The following MGAT4C variants were observed in gnomAD, a reference collection of about 807,000 sequenced individuals.
MGAT4C encodes MGAT4 family member C.
In MGAT4C, 19 loss-of-function variants were observed where a neutral mutation model predicts 40.1. That is an observed-to-expected ratio of 0.47 (90% CI 0.33 to 0.70). The LOEUF is 0.70. Among genes scored for constraint, MGAT4C ranks in the 30% least tolerant of loss-of-function variants. The pLI, the probability that MGAT4C is intolerant of heterozygous loss-of-function variation, is 0.02. For missense variants in MGAT4C, 491 were observed against 563.2 expected, an observed-to-expected ratio of 0.87 and a Z score of 1.30; for synonymous variants, 181 against 187.1, an observed-to-expected ratio of 0.97 and a Z score of 0.27.
At chr12:86,320,070 G>A (rs185525158) in intron 4 of MGAT4C, among the ~76,000 whole-genome samples, 14 of 152,000 alleles carry the variant, frequency 9.2e-5, no homozygotes, top group East Asian at 5.8e-4. Context: ...TCTGCCCTGG[G>A]AGCCTCTGAC....
intron 1 of MGAT4C, among the ~76,000 whole-genome samples, chr12:86,188,041 G>C (rs1888971746): frequency 6.6e-6 from 1 of 152,018 alleles, no homozygotes; most frequent in Non-Finnish European, 1.5e-5. Flanking sequence ...AACCTGATGG[G>C]CCTTTGCCTG....
At chr12:86,164,972 G>A (rs1341497139) in intron 1 of MGAT4C, among the ~76,000 whole-genome samples, 1 of 152,046 alleles carries the variant, frequency 6.6e-6, no homozygotes, top group East Asian at 1.9e-4. Flanking sequence ...ATGTAGGAAG[G>A]GAATATTGAA....
intron 3 of MGAT4C, among the ~76,000 whole-genome samples, chr12:86,405,106 G>A (rs1239478238): frequency 1.3e-5 from 2 of 152,064 alleles, no homozygotes; most frequent in African/African-American, 4.8e-5. Flanking sequence ...CAATAAAATT[G>A]AAGTATTTTA....
intron 2 of MGAT4C, among the ~76,000 whole-genome samples, chr12:86,020,549 C>T (rs1224040131): frequency 6.6e-6 from 1 of 152,156 alleles, no homozygotes; most frequent in African/African-American, 2.4e-5. Context: ...AAAGCTGAAA[C>T]TGGATCCCTT....
intron 2 of MGAT4C, among the ~76,000 whole-genome samples, chr12:86,009,388 C>A (rs924856037): frequency 2.0e-5 from 3 of 152,174 alleles, no homozygotes; most frequent in Non-Finnish European, 4.4e-5. Flanking sequence ...CTCTCTCTCT[C>A]CCTCCCTGCA....
intron 3 of MGAT4C, among the ~76,000 whole-genome samples, chr12:86,397,858 G>A (rs1177118242): frequency 1.3e-5 from 2 of 152,138 alleles, no homozygotes; most frequent in Admixed American, 1.3e-4. Context: ...AGCTATCTGG[G>A]AGGCTGAAGT....
chr12:86,107,433 C>T lies in MGAT4C; in HGVS notation c.-56-57710G>A, dbSNP rs149401925. 2.2e-3 allele frequency among the ~76,000 whole-genome samples: 342 copies of T among 152,000 alleles called. 2 individuals are homozygous for T. Among genetic ancestry groups the T allele is most frequent in the Admixed American group, 6.1e-3 (93 of 15,244 alleles). ...TAATCCTGACATATACTTAAAACTA[C>T]AGAATAAGGGTAAATCAGTTATATT... On this transcript the variant is annotated intron_variant, in intron 1 of 4. Transcript: ENST00000611864.
At chr12:86,774,293 T>TTC (rs201235030) in intron 1 of MGAT4C, among the ~76,000 whole-genome samples, 397 of 30,722 alleles carry the variant, frequency 0.013, 10 homozygotes, top group African/African-American at 0.031. Context: ...CTTTCTTTCT[T>TTC]TCTTTCTTTC....
chr12:86,123,087 G>T (rs1351830263), intron 1 of MGAT4C, among the ~76,000 whole-genome samples: 1 of 152,112 alleles, frequency 6.6e-6, no homozygotes, highest in African/African-American at 2.4e-5. Flanking sequence ...GCTAGGCTCT[G>T]CTGTATGTGC....
rs1479610036 is a variant in MGAT4C, at chr12:86,826,755, C to G, written c.-262+11911G>C. On this transcript the variant is annotated intron_variant, in intron 1 of 7. Transcript: ENST00000548651. ...TATGTTATAGCACTCTTCTACTCCT[C>G]CTAGGAATTAGCGATCTAGTTAAAC... is the stretch of plus-strand genomic sequence containing the variant. Among the ~76,000 whole-genome samples the G allele has an allele frequency of 4.0e-5, 6 of 151,138 alleles. No homozygotes were observed. In the Admixed American group the frequency reaches 4.0e-4, roughly 10 times the overall value.
chr12:86,685,062 G>A (rs911942929), intron 2 of MGAT4C, among the ~76,000 whole-genome samples: 3 of 151,898 alleles, frequency 2.0e-5, no homozygotes, highest in African/African-American at 4.8e-5. Context: ...TGTCAATTTC[G>A]GCTTTTGTTG....
chr12:86,219,332 A>C (rs1950792082), intron 1 of MGAT4C, among the ~76,000 whole-genome samples: 1 of 149,302 alleles, frequency 6.7e-6, no homozygotes, highest in African/African-American at 2.5e-5. Context: ...AAAGAGATAA[A>C]ATAATATGTT....
At chr12:86,506,988 A>G (rs1958482795) in intron 2 of MGAT4C, among the ~76,000 whole-genome samples, 1 of 152,212 alleles carries the variant, frequency 6.6e-6, no homozygotes, top group Admixed American at 6.5e-5. Flanking sequence ...TGGCCATCTT[A>G]AAAGAATGCT....
At chr12:86,820,757 G>C (rs571003368) in intron 1 of MGAT4C, among the ~76,000 whole-genome samples, 1 of 150,798 alleles carries the variant, frequency 6.6e-6, no homozygotes, top group Non-Finnish European at 1.5e-5. Context: ...ATTAGATTTT[G>C]AGTTCAGTGT....
intron 2 of MGAT4C, among the ~76,000 whole-genome samples, chr12:86,023,692 C>T (rs1889988234): frequency 6.6e-6 from 1 of 150,586 alleles, no homozygotes; most frequent in Non-Finnish European, 1.5e-5. Context: ...ACACATAATA[C>T]TGTTGTTTGT....
intron 3 of MGAT4C, among the ~76,000 whole-genome samples, chr12:86,400,646 A>T (rs1456418465): frequency 6.6e-6 from 1 of 152,196 alleles, no homozygotes; most frequent in Admixed American, 6.5e-5. Context: ...AGAAAGTAAC[A>T]TCATGTTTAA....
intron 1 of MGAT4C, among the ~76,000 whole-genome samples, chr12:86,801,847 TACAAA>T (rs779322303): frequency 0.096 from 14,514 of 151,824 alleles, 940 homozygotes; most frequent in Non-Finnish European, 0.14. Flanking sequence ...AAATAGGTAA[TACAAA>T]ATGTTAAGGG....
At chr12:86,738,172 C>G (rs760210041) in intron 1 of MGAT4C, among the ~76,000 whole-genome samples, 15 of 151,498 alleles carry the variant, frequency 9.9e-5, no homozygotes, top group Non-Finnish European at 1.5e-4. Context: ...AATTTCAAAA[C>G]TGCATTAAGG....
intron 3 of MGAT4C, among the ~76,000 whole-genome samples, chr12:86,356,262 G>T (rs1475550683): frequency 6.6e-6 from 1 of 151,708 alleles, no homozygotes; most frequent in African/African-American, 2.4e-5. Flanking sequence ...AAAAAGAGAG[G>T]GAACAAACAA....
Sources: gnomAD v4.1 joint callset for allele counts (sites outside exome capture counted in the v4.1 genomes callset) on GRCh38, gnomAD v4.1.1 for gene constraint, MANE v1.5 for transcripts, NCBI Gene and HGNC (gene_info 2026-07-23, HGNC 2026-07-21) for gene names.